Variants in SMOC2 observed in about 807,000 individuals in gnomAD.
SMOC2 encodes SPARC-related modular calcium-binding protein 2.
Under a neutral mutation model 61.4 loss-of-function variants are expected in SMOC2, and 39 were observed. The ratio of observed to expected loss-of-function variants is 0.64; its 90% CI spans 0.49 to 0.83. The LOEUF (loss-of-function observed/expected upper bound fraction) is 0.83. Among genes scored for constraint, SMOC2 ranks in the 40% least tolerant of loss-of-function variants. SMOC2 has a pLI of 0.00. For missense variants in SMOC2, 556 were observed against 592.9 expected (o/e 0.94, Z 0.65); for synonymous variants, 247 against 239.9 (o/e 1.03, Z -0.27).
chr6:168,540,800 G>A (rs1031792148), intron 4 of SMOC2, among the ~76,000 whole-genome samples: 1 of 152,046 alleles, frequency 6.6e-6, no homozygotes, highest in African/African-American at 2.4e-5. Flanking sequence ...CTGTAAACCT[G>A]CCCCCAGGAT....
Position 168,666,658 on chromosome 6 carries a change from T to G in SMOC2, c.*220T>G, listed in dbSNP as rs1787669967. On this transcript the variant is annotated 3_prime_UTR_variant, in exon 13 of 13. Transcript: ENST00000356284. ...CACATACAATGTATGTGTCCTCTTT[T>G]GACCTTGGAAATCTGTATGTGGTGG... 6.8e-6 allele frequency: 4 copies of G among 589,642 alleles called. No homozygotes were observed. The highest frequency in any genetic ancestry group is 9.1e-6 in the Non-Finnish European group (3 of 327,950). 36.5% of individuals were successfully genotyped at this position (589,642 alleles called of 1,614,324 possible).
chr6:168,457,154 G>A (rs907021313), intron 1 of SMOC2, among the ~76,000 whole-genome samples: 11 of 152,158 alleles, frequency 7.2e-5, no homozygotes, highest in Admixed American at 5.9e-4. Context: ...TCCCTTCCAC[G>A]GTCACCTGGA....
intron 2 of SMOC2, among the ~76,000 whole-genome samples, chr6:168,520,420 C>T (rs1430455415): frequency 6.6e-6 from 1 of 152,232 alleles, no homozygotes; most frequent in South Asian, 2.1e-4. Flanking sequence ...TTTGCTCGTT[C>T]AGCCCGTGGC....
chr6:168,511,808 AG>A, intron 2 of SMOC2, among the ~76,000 whole-genome samples: 1 of 61,664 alleles, frequency 1.6e-5, no homozygotes, highest in South Asian at 6.2e-4. Flanking sequence ...TTCATTATCA[AG>A]GGTTGTTTTT....
intron 1 of SMOC2, among the ~76,000 whole-genome samples, chr6:168,442,029 C>A (rs1781222943): frequency 6.6e-6 from 1 of 152,238 alleles, no homozygotes; most frequent in Non-Finnish European, 1.5e-5. Context: ...GAAGGGGCTG[C>A]CAGTCGTGGG....
At chr6:168,622,188 G>C (rs537411924) in intron 9 of SMOC2, among the ~76,000 whole-genome samples, 2 of 151,970 alleles carry the variant, frequency 1.3e-5, no homozygotes, top group African/African-American at 4.8e-5. Flanking sequence ...GGATGGTCTC[G>C]ATCTCCTGAC....
At chr6:168,450,375 G>T (rs1163716834) in intron 1 of SMOC2, among the ~76,000 whole-genome samples, 1 of 152,164 alleles carries the variant, frequency 6.6e-6, no homozygotes, top group Non-Finnish European at 1.5e-5. Flanking sequence ...GCTGAGAGTT[G>T]TGTAATCTTT....
intron 11 of SMOC2, among the ~76,000 whole-genome samples, chr6:168,655,206 C>A (rs1787290251): frequency 6.8e-6 from 1 of 148,144 alleles, no homozygotes; most frequent in African/African-American, 2.5e-5. Flanking sequence ...AACTCACCAA[C>A]CCTGCACCTG....
At chr6:168,634,512 G>C (rs902658481) in intron 9 of SMOC2, among the ~76,000 whole-genome samples, 3 of 152,180 alleles carry the variant, frequency 2.0e-5, no homozygotes, top group Non-Finnish European at 4.4e-5. Context: ...AGTCTGAAAT[G>C]AACACCGCAA....
At chr6:168,522,502 A>G (rs2115069060) in intron 2 of SMOC2, among the ~76,000 whole-genome samples, 1 of 152,394 alleles carries the variant, frequency 6.6e-6, no homozygotes, top group East Asian at 1.9e-4. Context: ...ATAGAATATT[A>G]TTCAGCCATA....
intron 7 of SMOC2, among the ~76,000 whole-genome samples, chr6:168,571,621 G>A (rs1313472215): frequency 6.6e-6 from 1 of 152,172 alleles, no homozygotes; most frequent in African/African-American, 2.4e-5. Context: ...TATACTGTGT[G>A]TAGTATTTTG....
At chr6:168,637,278 G>A (rs966584629) in intron 9 of SMOC2, among the ~76,000 whole-genome samples, 2 of 152,092 alleles carry the variant, frequency 1.3e-5, no homozygotes, top group African/African-American at 4.8e-5. Context: ...GATGACGCCT[G>A]TGTGCCAGGG....
chr6:168,551,542 C>T (rs551692092), intron 7 of SMOC2, among the ~76,000 whole-genome samples: 2 of 152,032 alleles, frequency 1.3e-5, no homozygotes, highest in Non-Finnish European at 2.9e-5. Context: ...TAACCTCCGC[C>T]TCCCAGGTTC....
At chr6:168,579,867 T>G (rs975425649) in intron 7 of SMOC2, among the ~76,000 whole-genome samples, 3 of 152,150 alleles carry the variant, frequency 2.0e-5, no homozygotes, top group African/African-American at 4.8e-5. Context: ...AGGGCTAACT[T>G]CGACTCCGGT....
chr6:168,663,382 G>A (rs1474688244), intron 11 of SMOC2, among the ~76,000 whole-genome samples: 2 of 152,210 alleles, frequency 1.3e-5, no homozygotes, highest in Non-Finnish European at 2.9e-5. Flanking sequence ...CATCTCTCCT[G>A]ATTTTAATAT....
At chr6:168,548,822 G>T (rs1006623953) in intron 6 of SMOC2, among the ~76,000 whole-genome samples, 2 of 152,296 alleles carry the variant, frequency 1.3e-5, no homozygotes, top group African/African-American at 4.8e-5. Flanking sequence ...AACTACACAA[G>T]AATATATTTT....
chr6:168,529,521 C>A (rs1783536373), intron 4 of SMOC2, among the ~76,000 whole-genome samples: 2 of 152,230 alleles, frequency 1.3e-5, no homozygotes, highest in African/African-American at 4.8e-5. Flanking sequence ...CGCAGGTCTA[C>A]AGAGTTACGG....
intron 1 of SMOC2, among the ~76,000 whole-genome samples, chr6:168,467,555 G>C (rs570875678): frequency 6.6e-6 from 1 of 152,020 alleles, no homozygotes; most frequent in East Asian, 1.9e-4. Flanking sequence ...TGATCCACCC[G>C]CCTCGGCCTC....
chr6:168,653,285 G>T, intron 11 of SMOC2, 57 bp downstream of exon 11: 1 of 1,554,256 alleles, frequency 6.4e-7, no homozygotes, highest in Non-Finnish European at 8.7e-7. Flanking sequence ...GGCCTGGGAG[G>T]TCTGCTTCTC....
Sources: allele counts gnomAD v4.1 joint callset (sites outside exome capture counted in the v4.1 genomes callset), GRCh38; gene constraint gnomAD v4.1.1; transcripts MANE v1.5; gene names NCBI Gene and HGNC (gene_info 2026-07-23, HGNC 2026-07-21).